The following OPCML variants were observed in gnomAD, a reference collection of about 807,000 sequenced individuals.
OPCML encodes opioid binding protein/cell adhesion molecule like, also known as opioid-binding protein/cell adhesion molecule.
A neutral mutation model predicts 37.8 loss-of-function variants in OPCML; 13 were observed. The observed-to-expected ratio is 0.34, with a 90% CI of 0.22 to 0.55. The LOEUF (loss-of-function observed/expected upper bound fraction) is 0.55. OPCML is among the 20% of genes least tolerant of loss of function. The probability of loss-of-function intolerance (pLI) is 0.91; values close to 1 mark genes in which losing one functional copy is unlikely to be tolerated. For missense variants in OPCML, 341 were observed against 435.6 expected, an observed-to-expected ratio of 0.78 and a Z score of 1.93; for synonymous variants, 176 against 168.8, an observed-to-expected ratio of 1.04 and a Z score of -0.33.
intron 1 of OPCML, among the ~76,000 whole-genome samples, chr11:133,046,492 T>C (rs982267355): frequency 6.6e-6 from 1 of 152,208 alleles, no homozygotes; most frequent in Admixed American, 6.5e-5. Flanking sequence ...CCTTGTCCTC[T>C]GCTGATAGAC....
At chr11:132,961,275 G>A (rs11223296) in intron 1 of OPCML, among the ~76,000 whole-genome samples, 5,641 of 152,220 alleles carry the variant, frequency 0.037, 660 homozygotes, top group East Asian at 0.22. Context: ...TGATGCCGTA[G>A]AAGAATGGAT....
rs12273802 is a variant in OPCML at position 133,259,234 on chromosome 11, A to G, written c.61+273030T>C. Among the ~76,000 whole-genome samples the G allele has an allele frequency of 8.8e-3, 1,343 of 152,326 alleles. 12 individuals carry two copies. Among genetic ancestry groups the G allele is most frequent in the Non-Finnish European group, 0.014 (954 of 68,018 alleles). ...TGTTTTTATAAATAAACATTTTCAT[A>G]AGTTAGGATGAGTTCTAACTACTCT... is the stretch of plus-strand genomic sequence containing the variant. On this transcript the variant is annotated intron_variant, in intron 1 of 7. Coordinates refer to ENST00000524381, the MANE Select transcript of OPCML (RefSeq NM_001012393.5).
rs546303406 is a variant in OPCML, at chr11:133,394,584, C to T, written c.61+137680G>A. Among the ~76,000 whole-genome samples, 41 of 152,310 alleles carry T rather than the reference C, an allele frequency of 2.7e-4. No individual in the cohort carries two copies. The South Asian group carries it at 8.3e-3, about 31-fold the overall frequency. ...CACTACCCTTCCCATGCTATAGTAA[C>T]CATCCTTCTGCTCTCCGCTCCATTA... is the stretch of plus-strand genomic sequence containing the variant. On this transcript the variant is annotated intron_variant, in intron 1 of 7. Coordinates refer to ENST00000524381, the MANE Select transcript of OPCML (RefSeq NM_001012393.5).
chr11:132,769,241 TTG>T (rs1196034768), intron 2 of OPCML, among the ~76,000 whole-genome samples: 2 of 80,204 alleles, frequency 2.5e-5, no homozygotes, highest in Non-Finnish European at 6.8e-5. Context: ...GGTTTGTTTG[TTG>T]TTTTTTTTTT....
At chr11:132,810,040 G>A (rs1020438344) in intron 2 of OPCML, among the ~76,000 whole-genome samples, 4 of 152,086 alleles carry the variant, frequency 2.6e-5, no homozygotes, top group South Asian at 2.1e-4. Flanking sequence ...TAGTAGAGAC[G>A]GGATTTCACC....
chr11:132,550,820 G>A (rs2096379913), intron 3 of OPCML, among the ~76,000 whole-genome samples: 1 of 152,226 alleles, frequency 6.6e-6, no homozygotes, highest in East Asian at 1.9e-4. Context: ...GAACTGGGTG[G>A]ATTATGCCAT....
intron 1 of OPCML, among the ~76,000 whole-genome samples, chr11:133,203,009 A>G (rs1339388714): frequency 6.6e-6 from 1 of 152,204 alleles, no homozygotes; most frequent in East Asian, 1.9e-4. Flanking sequence ...GCGTTTTACC[A>G]CAGGAAGACT....
intron 2 of OPCML, among the ~76,000 whole-genome samples, chr11:132,796,282 A>G (rs550641663): frequency 3.3e-5 from 5 of 152,190 alleles, no homozygotes; most frequent in Non-Finnish European, 5.9e-5. Flanking sequence ...TTATTCATCA[A>G]TTTATCAATT....
chr11:133,001,360 A>T (rs1171282256), intron 1 of OPCML, among the ~76,000 whole-genome samples: 1 of 152,194 alleles, frequency 6.6e-6, no homozygotes, highest in Non-Finnish European at 1.5e-5. Context: ...CCTTTATAAC[A>T]AAAGAACTGG....
At chr11:132,848,912 C>T (rs772274956) in intron 2 of OPCML, among the ~76,000 whole-genome samples, 24 of 152,144 alleles carry the variant, frequency 1.6e-4, no homozygotes, top group Non-Finnish European at 2.4e-4. Context: ...AAGTCCTCTA[C>T]GAAAGGCAGG....
chr11:132,996,167 T>C (rs1206124766), intron 1 of OPCML, among the ~76,000 whole-genome samples: 1 of 152,188 alleles, frequency 6.6e-6, no homozygotes, highest in Non-Finnish European at 1.5e-5. Context: ...GTCCTCATTG[T>C]AGATGGGGTT....
At chr11:132,470,744 C>T (rs1356209454) in intron 4 of OPCML, among the ~76,000 whole-genome samples, 1 of 152,132 alleles carries the variant, frequency 6.6e-6, no homozygotes, top group Admixed American at 6.5e-5. Context: ...ATCCAGTTAC[C>T]AAGTGACAGA....
intron 1 of OPCML, among the ~76,000 whole-genome samples, chr11:132,968,600 C>G (rs767495557): frequency 1.4e-4 from 21 of 152,184 alleles, no homozygotes; most frequent in Non-Finnish European, 2.9e-4. Context: ...CATCATAACC[C>G]AATCACCTCT....
At chr11:133,028,524 CGTGTGT>C (rs10541354) in intron 1 of OPCML, among the ~76,000 whole-genome samples, 52,676 of 146,930 alleles carry the variant, frequency 0.36, 11,096 homozygotes, top group African/African-American at 0.61. Flanking sequence ...TGATAAGGAG[CGTGTGT>C]GTGTGTGTGT....
chr11:132,535,745 C>T (rs1417315621), intron 3 of OPCML, among the ~76,000 whole-genome samples: 1 of 152,150 alleles, frequency 6.6e-6, no homozygotes, highest in Non-Finnish European at 1.5e-5. Flanking sequence ...GTCCTGGCCT[C>T]TCTTCAGCTG....
chr11:132,828,387 G>A (rs1940490260), intron 2 of OPCML, among the ~76,000 whole-genome samples: 1 of 152,044 alleles, frequency 6.6e-6, no homozygotes, highest in Non-Finnish European at 1.5e-5. Context: ...TGTAAACCAT[G>A]GACTTTTAGT....
At chr11:133,007,259 A>C in intron 1 of OPCML, 2 of 985,416 alleles carry the variant, frequency 2.0e-6, no homozygotes, top group Non-Finnish European at 2.4e-6. Context: ...TTGTGGTTAT[A>C]TTCAAAATAA....
chr11:133,494,274 G>T (rs1179255935), intron 1 of OPCML, among the ~76,000 whole-genome samples: 1 of 151,816 alleles, frequency 6.6e-6, no homozygotes, highest in Non-Finnish European at 1.5e-5. Context: ...CTGTTGGTGG[G>T]ACTGTAAACT....
intron 1 of OPCML, among the ~76,000 whole-genome samples, chr11:132,948,832 G>T (rs2136692079): frequency 6.6e-6 from 1 of 152,204 alleles, no homozygotes; most frequent in East Asian, 1.9e-4. Flanking sequence ...AAAAAAGATG[G>T]GAGTGAAAGG....
Sources: allele counts gnomAD v4.1 joint callset (sites outside exome capture counted in the v4.1 genomes callset), GRCh38; gene constraint gnomAD v4.1.1; transcripts MANE v1.5; gene names NCBI Gene and HGNC (gene_info 2026-07-23, HGNC 2026-07-21).